Variants in LPA observed in about 807,000 individuals in gnomAD.
The protein encoded by LPA is lipoprotein(a).
Under a neutral mutation model 197.9 loss-of-function variants are expected in LPA, and 199 were observed. That is an observed-to-expected ratio of 1.01 (90% CI 0.90 to 1.13). The LOEUF (loss-of-function observed/expected upper bound fraction) is 1.13, where lower values mean the gene tolerates loss of function less well. LPA is among the 50% of genes most tolerant of loss of function. The probability of loss-of-function intolerance (pLI) is 0.00; values close to 1 mark genes in which losing one functional copy is unlikely to be tolerated. For synonymous variants in LPA, 715 were observed against 639.5 expected, an observed-to-expected ratio of 1.12 and a Z score of -1.78; for missense variants, 1,853 against 1,785.8, an observed-to-expected ratio of 1.04 and a Z score of -0.68.
chr6:160,594,887 A>T (rs41271028), intron 21 of LPA, among the ~76,000 whole-genome samples: 4,279 of 152,286 alleles, frequency 0.028, 191 homozygotes, highest in African/African-American at 0.094. Flanking sequence ...ACCCAGAAGT[A>T]TATGGAACTA....
intron 19 of LPA, 151 bp downstream of exon 19, chr6:160,600,766 C>T: frequency 6.8e-6 from 6 of 878,798 alleles, no homozygotes; most frequent in Admixed American, 2.0e-5. Flanking sequence ...CTGGCTCCCC[C>T]AGAGAGTGCG....
Position 160,531,681 on chromosome 6 carries a change from C to T in LPA, c.*48G>A, listed in dbSNP as rs573606354. 16 of 1,607,854 alleles carry T rather than the reference C, an allele frequency of 1.0e-5. No individual in the cohort carries two copies. The East Asian group carries it at 1.1e-4, about 11-fold the overall frequency. ...TTCCAGCATGCTAAATCCTTACCCA[C>T]GTTTCAGCTTCTAAGTAGGTTGATG... On this transcript the variant is annotated 3_prime_UTR_variant, in exon 39 of 39. Coordinates refer to ENST00000316300, the MANE Select transcript of LPA (RefSeq NM_005577.4).
chr6:160,590,300 G>A (rs1326523635), intron 23 of LPA, among the ~76,000 whole-genome samples: 1 of 152,170 alleles, frequency 6.6e-6, no homozygotes, highest in Non-Finnish European at 1.5e-5. Context: ...CAACAAAGTA[G>A]ACATCCACTA....
chr6:160,579,363 A>G (rs1417091429), intron 26 of LPA, among the ~76,000 whole-genome samples: 1 of 152,180 alleles, frequency 6.6e-6, no homozygotes, highest in Non-Finnish European at 1.5e-5. Context: ...ACTAGCTCCC[A>G]GGCAGGATGC....
At chr6:160,562,927 T>C (rs1778387175) in intron 28 of LPA, among the ~76,000 whole-genome samples, 1 of 152,190 alleles carries the variant, frequency 6.6e-6, no homozygotes. Context: ...CCTTTATTAT[T>C]CTTTATTGTG....
chr6:160,593,351 C>T (rs1281925453), intron 22 of LPA, among the ~76,000 whole-genome samples: 7 of 152,172 alleles, frequency 4.6e-5, no homozygotes, highest in South Asian at 2.1e-4. Flanking sequence ...GGCAGAAACG[C>T]TGACGTGGTC....
intron 26 of LPA, among the ~76,000 whole-genome samples, chr6:160,583,014 G>T (rs931245415): frequency 2.0e-5 from 3 of 151,552 alleles, no homozygotes; most frequent in Non-Finnish European, 4.4e-5. Flanking sequence ...TTTTTTTTCA[G>T]TTCTTGACTC....
At chr6:160,598,744 C>A (rs73784302) in intron 20 of LPA, among the ~76,000 whole-genome samples, 46 of 152,250 alleles carry the variant, frequency 3.0e-4, no homozygotes, top group African/African-American at 1.1e-3. Context: ...TGCTCAGGAC[C>A]AAGTGTGTTT....
intron 37 of LPA, among the ~76,000 whole-genome samples, chr6:160,533,467 G>A (rs767325041): frequency 3.9e-5 from 6 of 152,120 alleles, no homozygotes; most frequent in African/African-American, 1.2e-4. Flanking sequence ...CTGGGTCTGC[G>A]GAGTCGCTGC....
Position 160,594,136 on chromosome 6 carries a change from A to G in LPA, c.3470-19T>C. 1 of 1,613,688 alleles carries G rather than the reference A, an allele frequency of 6.2e-7. No homozygotes were observed. ...GTTGGTGCTGAAATTCAAAGAGGAG[A>G]AATCAAGCTGAGTAATTTCTAGAAC... On this transcript the variant is annotated intron_variant, in intron 21 of 38. Transcript: ENST00000316300.
At chr6:160,566,820 A>G (rs1424903308) in intron 28 of LPA, among the ~76,000 whole-genome samples, 1 of 152,218 alleles carries the variant, frequency 6.6e-6, no homozygotes, top group Admixed American at 6.5e-5. Flanking sequence ...ATGGAAAACA[A>G]CAAAAAAAGC....
intron 28 of LPA, among the ~76,000 whole-genome samples, chr6:160,571,214 C>T (rs1778556094): frequency 6.6e-6 from 1 of 152,128 alleles, no homozygotes; most frequent in Non-Finnish European, 1.5e-5. Flanking sequence ...TTTTCAGCTC[C>T]CTAAGGTCAT....
chr6:160,552,763 C>G (rs751100922), intron 30 of LPA, among the ~76,000 whole-genome samples: 11 of 152,134 alleles, frequency 7.2e-5, no homozygotes, highest in Non-Finnish European at 1.3e-4. Flanking sequence ...AAAGAACACA[C>G]TTAGCTGTGG....
chr6:160,556,214 C>G, intron 29 of LPA, 30 bp from the exon 30 acceptor site: 1 of 1,611,566 alleles, frequency 6.2e-7, no homozygotes, highest in Non-Finnish European at 8.5e-7. Flanking sequence ...AGCTGAGTAA[C>G]TACTAGTATG....
At chr6:160,584,788 T>C (rs926590738) in intron 26 of LPA, among the ~76,000 whole-genome samples, 2 of 152,146 alleles carry the variant, frequency 1.3e-5, no homozygotes, top group Admixed American at 6.6e-5. Flanking sequence ...GGTCATTTGA[T>C]CTCCTTAGCT....
intron 35 of LPA, 49 bp from the exon 36 acceptor site, chr6:160,540,232 G>A (rs1038018571): frequency 4.3e-6 from 7 of 1,612,100 alleles, no homozygotes; most frequent in Non-Finnish European, 5.9e-6. Flanking sequence ...AGCCCCTTCA[G>A]GTATCCTCTG....
chr6:160,591,916 T>A (rs974097084), intron 22 of LPA, among the ~76,000 whole-genome samples: 2 of 152,250 alleles, frequency 1.3e-5, no homozygotes, highest in African/African-American at 4.8e-5. Context: ...ACTGTCAAAA[T>A]GTTTGTTCAT....
intron 26 of LPA, among the ~76,000 whole-genome samples, chr6:160,584,225 TTCTTCTTCTTCTTCC>T (rs1434493884): frequency 0.045 from 4,605 of 101,598 alleles, 110 homozygotes; most frequent in East Asian, 0.11. Context: ...CTTCTTCTTC[TTCTTCTTCTTCTTCC>T]TCCTCCTCCT....
At chr6:160,643,083 A>AATTT (rs1332336973) in intron 4 of LPA, among the ~76,000 whole-genome samples, 809 of 129,758 alleles carry the variant, frequency 6.2e-3, no homozygotes, top group African/African-American at 0.015. Context: ...GTGTGTTTTC[A>AATTT]GTGTGTGTGT....
Sources: allele counts gnomAD v4.1 joint callset (sites outside exome capture counted in the v4.1 genomes callset), GRCh38; gene constraint gnomAD v4.1.1; transcripts MANE v1.5; gene names NCBI Gene and HGNC (gene_info 2026-07-23, HGNC 2026-07-21).